The following PEAK1 variants were observed in gnomAD, a reference collection of about 807,000 sequenced individuals.
The protein encoded by PEAK1 is pseudopodium enriched atypical kinase 1.
In PEAK1, 54 loss-of-function variants were observed where a neutral mutation model predicts 124.7. The ratio of observed to expected loss-of-function variants is 0.43; its 90% CI spans 0.35 to 0.54. PEAK1 has a LOEUF of 0.54. Among genes scored for constraint, PEAK1 ranks in the 20% least tolerant of loss-of-function variants. PEAK1 has a pLI of 0.01. For synonymous variants in PEAK1, 719 were observed against 760.0 expected, an observed-to-expected ratio of 0.95 and a Z score of 0.89; for missense variants, 2,046 against 2,134.5, an observed-to-expected ratio of 0.96 and a Z score of 0.82.
intron 2 of PEAK1, chr15:77,351,013 TAGAGA>T: frequency 1.1e-6 from 1 of 916,512 alleles, no homozygotes; most frequent in Non-Finnish European, 1.3e-6. Flanking sequence ...CTATTGGTAT[TAGAGA>T]AATACCATGC....
At chr15:77,254,958 G>A (rs1292835351) in intron 5 of PEAK1, among the ~76,000 whole-genome samples, 2 of 152,154 alleles carry the variant, frequency 1.3e-5, no homozygotes, top group African/African-American at 4.8e-5. Context: ...CTGTTACAAA[G>A]AGAATGGGAA....
chr15:77,358,981 A>G (rs1367260780), intron 2 of PEAK1, among the ~76,000 whole-genome samples: 1 of 152,240 alleles, frequency 6.6e-6, no homozygotes, highest in Non-Finnish European at 1.5e-5. Context: ...GCATATACAG[A>G]AAGATCTCAA....
At chr15:77,304,205 C>T (rs540903053) in intron 2 of PEAK1, among the ~76,000 whole-genome samples, 3 of 152,222 alleles carry the variant, frequency 2.0e-5, no homozygotes, top group East Asian at 1.9e-4. Context: ...AGTTTGTTGA[C>T]GTCTACAAAA....
intron 1 of PEAK1, among the ~76,000 whole-genome samples, chr15:77,406,601 A>C (rs145725754): frequency 0.015 from 2,263 of 152,334 alleles, 56 homozygotes; most frequent in African/African-American, 0.051. Flanking sequence ...TCTACAAGGA[A>C]AACTATAAAA....
chr15:77,360,372 TAAGTA>T (rs2067806672), intron 2 of PEAK1, among the ~76,000 whole-genome samples: 1 of 152,064 alleles, frequency 6.6e-6, no homozygotes, highest in Non-Finnish European at 1.5e-5. Flanking sequence ...AAAAAATAAA[TAAGTA>T]AATAAATACT....
In PEAK1 at chr15:77,158,606, G is replaced by A; in HGVS notation, c.3228C>T (p.Val1076=). 1 of 1,614,072 alleles carries A rather than the reference G, an allele frequency of 6.2e-7. No individual in the cohort carries two copies. The highest frequency in any genetic ancestry group is 8.5e-7 in the Non-Finnish European group (1 of 1,179,954). ...GTTCAGGTAGGGACAATGCTGTTGTGACTGAAGTGCAGCCCCTGCCATCTT... is the reference window on the plus strand; with the variant it reads ...GTTCAGGTAGGGACAATGCTGTTGTAACTGAAGTGCAGCCCCTGCCATCTT... ...GKQDGRGCTS[V]TTALSLPELE... is the part of the protein sequence containing the mutation. Residue 1076 remains valine, a synonymous_variant, in exon 8 of 10, where the codon GTC becomes GTT. Coordinates refer to ENST00000682557, the MANE Select transcript of PEAK1 (RefSeq NM_001385026.1).
intron 1 of PEAK1, chr15:77,419,639 C>CT: frequency 5.1e-6 from 5 of 985,134 alleles, no homozygotes; most frequent in Non-Finnish European, 6.0e-6. Context: ...CCAGGCTTCA[C>CT]TTTCCCCCGC....
At chr15:77,413,576 A>G (rs1482790930) in intron 1 of PEAK1, among the ~76,000 whole-genome samples, 1 of 152,246 alleles carries the variant, frequency 6.6e-6, no homozygotes, top group Non-Finnish European at 1.5e-5. Flanking sequence ...AAGGTTATAA[A>G]AGATAAGAAA....
At chr15:77,222,831 G>C (rs2059449088) in intron 6 of PEAK1, among the ~76,000 whole-genome samples, 1 of 151,964 alleles carries the variant, frequency 6.6e-6, no homozygotes. Flanking sequence ...AGTTCAAAAT[G>C]GCAAAATAAA....
Position 77,112,702 on chromosome 15 carries a change from CACA to C in PEAK1, c.*1451_*1453del, listed in dbSNP as rs2051056379. On this transcript the variant is annotated 3_prime_UTR_variant, in exon 10 of 10. Coordinates refer to ENST00000682557, the MANE Select transcript of PEAK1 (RefSeq NM_001385026.1). The stretch of plus-strand genomic sequence containing the variant: ...ACACACACACACACACACACACACA[CACA>C]ACCCCAGTGGAAGGAACGCTCATCT... 2 of 138,224 alleles carry C rather than the reference CACA, an allele frequency of 1.4e-5. No homozygotes were observed. Among genetic ancestry groups the C allele is most frequent in the Admixed American group, 7.4e-5 (1 of 13,568 alleles). 8.6% of individuals were successfully genotyped at this position (138,224 alleles called of 1,614,324 possible). A position where few individuals can be genotyped will look rare whatever the true frequency, so the allele number is the denominator to read the frequency against.
At chr15:77,184,911 A>T (rs2057464589) in intron 6 of PEAK1, among the ~76,000 whole-genome samples, 1 of 150,468 alleles carries the variant, frequency 6.6e-6, no homozygotes, top group African/African-American at 2.4e-5. Flanking sequence ...CTACGCACTT[A>T]AAAAAAGTGA....
At chr15:77,404,447 G>A (rs1296730844) in intron 1 of PEAK1, 3 of 606,270 alleles carry the variant, frequency 4.9e-6, no homozygotes, top group Non-Finnish European at 6.2e-6. Context: ...AAAATAGAAT[G>A]TAAAATATCT....
chr15:77,367,199 C>A (rs763488776), intron 1 of PEAK1, among the ~76,000 whole-genome samples: 10 of 152,136 alleles, frequency 6.6e-5, no homozygotes, highest in Non-Finnish European at 1.0e-4. Flanking sequence ...ATTAAGCAAT[C>A]ATTAAAACTG....
chr15:77,308,426 C>T (rs1014470744), intron 2 of PEAK1, among the ~76,000 whole-genome samples: 4 of 151,998 alleles, frequency 2.6e-5, no homozygotes, highest in Admixed American at 1.3e-4. Context: ...AGAGATAAAA[C>T]CTTTTCCTCT....
rs1185669819 is a variant in PEAK1, at chr15:77,112,588, G to T, written c.*1568C>A. On this transcript the variant is annotated 3_prime_UTR_variant, in exon 10 of 10. Transcript: ENST00000682557. ...ACACACATTGTTCGAGTGACTCTTGGGATTTCAAGGTCAAAGTAAACACAT... is the reference window on the plus strand; with the variant it reads ...ACACACATTGTTCGAGTGACTCTTGTGATTTCAAGGTCAAAGTAAACACAT... The T allele has an allele frequency of 6.6e-6, 1 of 151,598 alleles. No individual in the cohort carries two copies. Among genetic ancestry groups the T allele is most frequent in the Non-Finnish European group, 1.5e-5 (1 of 67,988 alleles). 9.4% of individuals were successfully genotyped at this position (151,598 alleles called of 1,614,324 possible). A position where few individuals can be genotyped will look rare whatever the true frequency, so the allele number is the denominator to read the frequency against.
intron 2 of PEAK1, chr15:77,352,702 A>C: frequency 2.1e-6 from 2 of 953,222 alleles, no homozygotes; most frequent in Non-Finnish European, 2.5e-6. Flanking sequence ...TAAAAATTTA[A>C]TGTTTCAAGA....
intron 6 of PEAK1, among the ~76,000 whole-genome samples, chr15:77,251,527 A>T (rs2060881654): frequency 2.0e-5 from 3 of 152,226 alleles, no homozygotes; most frequent in African/African-American, 7.2e-5. Context: ...TAAAACAAGA[A>T]ATAAAGTTCA....
chr15:77,169,002 C>T (rs1011468300), intron 7 of PEAK1, among the ~76,000 whole-genome samples: 3 of 152,064 alleles, frequency 2.0e-5, no homozygotes, highest in African/African-American at 7.2e-5. Flanking sequence ...CAAATGATAC[C>T]CTTAACTTTA....
intron 2 of PEAK1, among the ~76,000 whole-genome samples, chr15:77,364,922 GT>G (rs1380811764): frequency 4.6e-5 from 7 of 152,188 alleles, no homozygotes; most frequent in African/African-American, 1.7e-4. Context: ...TCGTCTTTGA[GT>G]ATTAAAGATA....
Sources: gnomAD v4.1 joint callset for allele counts (sites outside exome capture counted in the v4.1 genomes callset) on GRCh38, gnomAD v4.1.1 for gene constraint, MANE v1.5 for transcripts, NCBI Gene and HGNC (gene_info 2026-07-23, HGNC 2026-07-21) for gene names.